Variants in GPHN observed in about 807,000 individuals in gnomAD.
GPHN encodes the protein gephyrin.
GPHN carries 17 observed loss-of-function variants against 95.5 expected under a neutral mutation model. The ratio of observed to expected loss-of-function variants is 0.18; its 90% CI spans 0.12 to 0.27. The LOEUF is 0.27. Among genes scored for constraint, GPHN ranks in the 10% least tolerant of loss-of-function variants. The probability of loss-of-function intolerance (pLI) is 1.00; values close to 1 mark genes in which losing one functional copy is unlikely to be tolerated. For synonymous variants in GPHN, 320 were observed against 322.5 expected, an observed-to-expected ratio of 0.99 and a Z score of 0.08; for missense variants, 660 against 978.1, an observed-to-expected ratio of 0.67 and a Z score of 4.34.
the GPHN span, among the ~76,000 whole-genome samples, chr14:67,465,818 G>A: frequency 6.6e-6 from 1 of 152,194 alleles, no homozygotes; most frequent in Non-Finnish European, 1.5e-5. Context: ...TGGATTACCC[G>A]GGTGGGCCCT....
chr14:67,548,957 A>G, the GPHN span, among the ~76,000 whole-genome samples: 1 of 152,198 alleles, frequency 6.6e-6, no homozygotes, highest in African/African-American at 2.4e-5. Flanking sequence ...CAAGAGAACA[A>G]TGGATGTTGC....
the GPHN span, among the ~76,000 whole-genome samples, chr14:67,731,743 C>T: frequency 6.6e-6 from 1 of 152,050 alleles, no homozygotes; most frequent in Non-Finnish European, 1.5e-5. Flanking sequence ...AGCCACTGGG[C>T]AGTAGTGGTT....
At chr14:67,254,893 G>T in the GPHN span, among the ~76,000 whole-genome samples, 8 of 152,328 alleles carry the variant, frequency 5.3e-5, no homozygotes, top group South Asian at 1.7e-3. Flanking sequence ...GCTCACACCT[G>T]TAATCCCAGC....
chr14:66,738,746 A>G (rs1464740235), intron 2 of GPHN, among the ~76,000 whole-genome samples: 1 of 152,172 alleles, frequency 6.6e-6, no homozygotes, highest in African/African-American at 2.4e-5. Flanking sequence ...CATAATAAAT[A>G]TGTTAATTTC....
chr14:66,967,503 A>C (rs1163612418), intron 9 of GPHN, among the ~76,000 whole-genome samples: 1 of 151,824 alleles, frequency 6.6e-6, no homozygotes, highest in Non-Finnish European at 1.5e-5. Flanking sequence ...CCCTAATCCA[A>C]ATGCTTGGGA....
At chr14:67,674,299 G>A in the GPHN span, 1 of 1,360,510 alleles carries the variant, frequency 7.4e-7, no homozygotes, top group Non-Finnish European at 9.8e-7. Context: ...CCCGGGTCTG[G>A]GAGGAAGGTG....
At chr14:67,573,713 A>T in the GPHN span, 1 of 869,106 alleles carries the variant, frequency 1.2e-6, no homozygotes, top group Non-Finnish European at 2.0e-6. The surrounding 1 kb of genome is among the most constrained non-coding windows in gnomAD (Gnocchi z 4.8). Context: ...CCCTTTGCTT[A>T]TGACGTGGAG....
intron 16 of GPHN, among the ~76,000 whole-genome samples, chr14:67,118,463 C>A (rs975691945): frequency 6.6e-6 from 1 of 152,146 alleles, no homozygotes; most frequent in African/African-American, 2.4e-5. Context: ...CGGTGGCTCA[C>A]GCCTGTAATT....
the GPHN span, among the ~76,000 whole-genome samples, chr14:67,496,391 G>GTTTTT: frequency 0.22 from 6,762 of 30,090 alleles, 2,836 homozygotes; most frequent in Non-Finnish European, 0.29. Flanking sequence ...CTGCTCCGGC[G>GTTTTT]TTTTTTTTTT....
intron 8 of GPHN, among the ~76,000 whole-genome samples, chr14:66,954,858 G>A (rs1000086959): frequency 5.3e-5 from 8 of 152,160 alleles, no homozygotes; most frequent in Admixed American, 2.0e-4. Flanking sequence ...TACATTAACG[G>A]AGATGATCAT....
intron 9 of GPHN, among the ~76,000 whole-genome samples, chr14:67,001,873 C>G (rs955125021): frequency 2.6e-5 from 4 of 151,676 alleles, no homozygotes; most frequent in Admixed American, 2.6e-4. Flanking sequence ...TTTTTAAAGA[C>G]TCAAATAAGT....
chr14:67,404,197 A>C, the GPHN span, among the ~76,000 whole-genome samples: 1 of 152,230 alleles, frequency 6.6e-6, no homozygotes, highest in Non-Finnish European at 1.5e-5. Flanking sequence ...GCTGCAGTGC[A>C]AGAATTCCAA....
the GPHN span, among the ~76,000 whole-genome samples, chr14:67,215,791 C>T: frequency 4.6e-5 from 7 of 152,128 alleles, no homozygotes; most frequent in African/African-American, 1.7e-4. Flanking sequence ...CTGATGTCTT[C>T]CTTATGTTTT....
the GPHN span, chr14:67,585,841 A>G: frequency 8.3e-7 from 1 of 1,200,050 alleles, no homozygotes; most frequent in Non-Finnish European, 1.2e-6. Flanking sequence ...CCAAATTATG[A>G]CCACTTGGGA....
intron 18 of GPHN, among the ~76,000 whole-genome samples, chr14:67,147,016 G>A (rs1219625348): frequency 6.6e-6 from 1 of 152,186 alleles, no homozygotes; most frequent in East Asian, 1.9e-4. Context: ...ATGGGTGACA[G>A]AGGAAGACTC....
rs1236758386 is a variant in GPHN at position 66,508,502 on chromosome 14, T to C, written c.-26T>C. 6.2e-7 allele frequency: 1 copy of C among 1,611,424 alleles called. No homozygotes were observed. On this transcript the variant is annotated 5_prime_UTR_variant, in exon 1 of 23. Coordinates refer to ENST00000478722, the MANE Select transcript of GPHN (RefSeq NM_020806.5). ...GGGCTCCGGTTTCTCCCGGCTCCTG[T>C]CAGTGCGGTGACTGCGCTGGGAAAC...
intron 1 of GPHN, among the ~76,000 whole-genome samples, chr14:66,639,334 G>T (rs1222004594): frequency 3.3e-5 from 5 of 152,080 alleles, no homozygotes; most frequent in African/African-American, 1.2e-4. Context: ...GATGATGTCA[G>T]TTCAAGAAGA....
chr14:66,629,851 T>C (rs2063721383), intron 1 of GPHN, among the ~76,000 whole-genome samples: 1 of 152,220 alleles, frequency 6.6e-6, no homozygotes, highest in Non-Finnish European at 1.5e-5. Context: ...TCAATTATAC[T>C]CTATTTAATC....
the GPHN span, among the ~76,000 whole-genome samples, chr14:67,194,610 A>G: frequency 2.6e-5 from 4 of 151,942 alleles, no homozygotes; most frequent in Non-Finnish European, 5.9e-5. Context: ...GGTTCAAGAG[A>G]TTCTCCTGCT....
Sources: allele counts gnomAD v4.1 joint callset (sites outside exome capture counted in the v4.1 genomes callset), GRCh38; gene constraint gnomAD v4.1.1; non-coding constraint Gnocchi (gnomAD v3.1); transcripts MANE v1.5; gene names NCBI Gene and HGNC (gene_info 2026-07-23, HGNC 2026-07-21).